PLEK2: variants seen among roughly 807,000 people sequenced by gnomAD.
PLEK2 encodes pleckstrin-2.
PLEK2 carries 29 observed loss-of-function variants against 43.8 expected under a neutral mutation model. The ratio of observed to expected loss-of-function variants is 0.66; its 90% CI spans 0.49 to 0.90. PLEK2 has a LOEUF of 0.90. PLEK2 is among the 40% of genes least tolerant of loss of function. The pLI is 0.00. For missense variants in PLEK2, 398 were observed against 448.1 expected (o/e 0.89, Z 1.01); for synonymous variants, 162 against 173.2 (o/e 0.94, Z 0.51).
At chr14:67,400,862 C>T (rs1250089397) in intron 1 of PLEK2, among the ~76,000 whole-genome samples, 1 of 151,926 alleles carries the variant, frequency 6.6e-6, no homozygotes, top group Non-Finnish European at 1.5e-5. Context: ...TGGTGGCACA[C>T]ATCTGCAGTC....
At chr14:67,406,930 G>A (rs2086082754) in intron 1 of PLEK2, among the ~76,000 whole-genome samples, 1 of 152,062 alleles carries the variant, frequency 6.6e-6, no homozygotes. Context: ...TCTCTTTTAG[G>A]TTTCTTGTCT....
rs554432371 is a variant in PLEK2 at position 67,391,721 on chromosome 14, T to C, written c.771+605A>G. Among the ~76,000 whole-genome samples the C allele has an allele frequency of 2.6e-5, 4 of 152,342 alleles. No individual in the cohort carries two copies. In the South Asian group the frequency reaches 8.3e-4, roughly 32 times the overall value. On this transcript the variant is annotated intron_variant, in intron 6 of 8. Coordinates refer to ENST00000216446, the MANE Select transcript of PLEK2 (RefSeq NM_016445.3). ...AGGACAGGTGATTTTGTTCACAGAA[T>C]ACCCTTTTTGTTAGGCACAGGTAGG...
intron 2 of PLEK2, among the ~76,000 whole-genome samples, chr14:67,395,946 AC>A (rs2086005223): frequency 6.6e-6 from 1 of 151,794 alleles, no homozygotes; most frequent in South Asian, 2.1e-4. Context: ...CTGAACACAA[AC>A]CCCAGCTCTG....
rs182502371 is a variant in PLEK2, at chr14:67,393,252, G to A, written c.390-11C>T. On this transcript the variant is annotated splice_polypyrimidine_tract_variant and intron_variant, in intron 3 of 8. Transcript: ENST00000216446. ...TTGTCCACAATGCGACTACATGGAAGGGAAGGCAAAGGAGAGGGAACCCTC... is the reference window on the plus strand; with the variant it reads ...TTGTCCACAATGCGACTACATGGAAAGGAAGGCAAAGGAGAGGGAACCCTC... The A allele has an allele frequency of 2.3e-5, 37 of 1,604,056 alleles. No individual in the cohort carries two copies. Among genetic ancestry groups the A allele is most frequent in the Admixed American group, 1.3e-4 (8 of 60,014 alleles).
chr14:67,411,229 A>G (rs1342726353), intron 1 of PLEK2, among the ~76,000 whole-genome samples: 1 of 151,596 alleles, frequency 6.6e-6, no homozygotes, highest in Admixed American at 6.6e-5. Context: ...ATCTTCTACC[A>G]TAATCCCAGG....
chr14:67,402,892 A>C (rs1436537361), intron 1 of PLEK2, among the ~76,000 whole-genome samples: 5 of 152,196 alleles, frequency 3.3e-5, no homozygotes, highest in Non-Finnish European at 5.9e-5. Flanking sequence ...GGGTGTGCAG[A>C]TATCTCTTCA....
At chr14:67,404,699 A>G (rs2086068266) in intron 1 of PLEK2, among the ~76,000 whole-genome samples, 1 of 151,896 alleles carries the variant, frequency 6.6e-6, no homozygotes, top group Non-Finnish European at 1.5e-5. Flanking sequence ...GGTCCCAGCC[A>G]CTCAGGAGGC....
chr14:67,394,846 G>C (rs1300364032), intron 3 of PLEK2, among the ~76,000 whole-genome samples: 1 of 152,162 alleles, frequency 6.6e-6, no homozygotes, highest in Non-Finnish European at 1.5e-5. Flanking sequence ...GAATGGGACT[G>C]GTGGCTTTAT....
chr14:67,404,527 G>A (rs533144434), intron 1 of PLEK2, among the ~76,000 whole-genome samples: 3 of 151,982 alleles, frequency 2.0e-5, no homozygotes, highest in African/African-American at 7.3e-5. Flanking sequence ...TTAAAATTTC[G>A]AGTTGGGTGT....
intron 1 of PLEK2, among the ~76,000 whole-genome samples, chr14:67,400,540 G>A (rs1300591273): frequency 6.6e-6 from 1 of 152,198 alleles, no homozygotes; most frequent in Non-Finnish European, 1.5e-5. Flanking sequence ...AGGGGTCCTG[G>A]GGCAGCACTA....
intron 1 of PLEK2, chr14:67,398,076 A>C (rs1331050718): frequency 2.9e-6 from 1 of 350,692 alleles, no homozygotes; most frequent in Non-Finnish European, 5.1e-6. Flanking sequence ...AAAAGAAGAG[A>C]AAAATCACTT....
rs573890967 is a variant in PLEK2 at position 67,395,256 on chromosome 14, C to A, written c.389+146G>T. 2.7e-4 allele frequency: 179 copies of A among 657,980 alleles called. No homozygotes were observed. The East Asian group carries it at 4.7e-3, about 17-fold the overall frequency. 40.8% of individuals were successfully genotyped at this position (657,980 alleles called of 1,614,324 possible). On this transcript the variant is annotated intron_variant, in intron 3 of 8. Coordinates refer to ENST00000216446, the MANE Select transcript of PLEK2 (RefSeq NM_016445.3). ...AGCAGAGAAAATAATATACACAGGA[C>A]AGGAACAGCTGAAGGCCCTGAAGCA... is the stretch of plus-strand genomic sequence containing the variant.
intron 5 of PLEK2, 23 bp downstream of exon 5, chr14:67,392,636 CAAG>C: frequency 5.0e-6 from 8 of 1,593,088 alleles, no homozygotes; most frequent in Non-Finnish European, 6.9e-6. Flanking sequence ...GCCCTGGTGG[CAAG>C]AAGAACCCAC....
At position 67,392,770 on chromosome 14, in the gene PLEK2, G is replaced by A. The variant is rs376342283; in HGVS notation, c.561C>T (p.Leu187=). 28 of 1,613,940 alleles carry A rather than the reference G, an allele frequency of 1.7e-5. No individual in the cohort carries two copies. In the East Asian group the frequency reaches 4.5e-4, roughly 26 times the overall value. ...CAGGCCTGAGGAAGTTCTCCTCCAT[G>A]AGCATGGAGGCCAGGGTCACCGCCT... ...RLEAVTLASM[L]MEENFLRPVG... The change falls in exon 5 of 9, where the codon CTC becomes CTT. Residue 187 remains leucine (L), a synonymous_variant. Transcript: ENST00000216446.
intron 1 of PLEK2, among the ~76,000 whole-genome samples, chr14:67,399,686 G>A (rs2086034579): frequency 6.7e-6 from 1 of 148,676 alleles, no homozygotes; most frequent in Non-Finnish European, 1.5e-5. Context: ...GGTTTAGGTG[G>A]GTCTCAGGTG....
chr14:67,397,390 C>T (rs532189330), intron 2 of PLEK2, among the ~76,000 whole-genome samples: 1 of 152,240 alleles, frequency 6.6e-6, no homozygotes, highest in Non-Finnish European at 1.5e-5. Context: ...TGCTCTAATA[C>T]ACCGTGACCT....
rs11545998 is a variant in PLEK2 at position 67,395,566 on chromosome 14, C to T, written c.225G>A (p.Lys75=). ...YENRPLLIKL[K]TQTSTEYFLE... ...GGAAGTACTCCGTGGATGTTTGAGTCTTCAGCTTAATGAGGAGCTGTGGGA... is the reference window on the plus strand; with the variant it reads ...GGAAGTACTCCGTGGATGTTTGAGTTTTCAGCTTAATGAGGAGCTGTGGGA... The change falls in exon 3 of 9, where the codon AAG becomes AAA. Residue 75 remains lysine (K), a synonymous_variant. Coordinates refer to ENST00000216446, the MANE Select transcript of PLEK2 (RefSeq NM_016445.3). 1.9e-6 allele frequency: 3 copies of T among 1,614,154 alleles called. No homozygotes were observed. Among genetic ancestry groups the T allele is most frequent in the Non-Finnish European group, 2.5e-6 (3 of 1,179,998 alleles).
Position 67,393,586 on chromosome 14 carries a change from T to A in PLEK2, c.390-345A>T, listed in dbSNP as rs182862131. On this transcript the variant is annotated intron_variant, in intron 3 of 8. Coordinates refer to ENST00000216446, the MANE Select transcript of PLEK2 (RefSeq NM_016445.3). ...CTCCTGCCTCAACCTCCGGAGCAGC[T>A]GGGATTACAGACATTTGCCACCACA... Among the ~76,000 whole-genome samples, 285 of 152,218 alleles carry A rather than the reference T, an allele frequency of 1.9e-3. 1 individual carries two copies. Among genetic ancestry groups the A allele is most frequent in the African/African-American group, 6.7e-3 (279 of 41,542 alleles).
chr14:67,400,716 G>C (rs913356228), intron 1 of PLEK2, among the ~76,000 whole-genome samples: 2 of 152,168 alleles, frequency 1.3e-5, no homozygotes, highest in East Asian at 1.9e-4. Context: ...GGCTGAGCTC[G>C]GTGGTTCACG....
Sources: gnomAD v4.1 joint callset for allele counts (sites outside exome capture counted in the v4.1 genomes callset) on GRCh38, gnomAD v4.1.1 for gene constraint, MANE v1.5 for transcripts, NCBI Gene and HGNC (gene_info 2026-07-23, HGNC 2026-07-21) for gene names.